AKT3: variants seen among roughly 807,000 people sequenced by gnomAD.
The protein encoded by AKT3 is RAC-gamma serine/threonine-protein kinase.
AKT3 carries 15 observed loss-of-function variants against 65.3 expected under a neutral mutation model. The observed-to-expected ratio is 0.23, with a 90% confidence interval of 0.15 to 0.35. The LOEUF (loss-of-function observed/expected upper bound fraction) is 0.35. AKT3 is among the 10% of genes least tolerant of loss of function. The probability of loss-of-function intolerance (pLI) is 1.00; values close to 1 mark genes in which losing one functional copy is unlikely to be tolerated. For missense variants in AKT3, 243 were observed against 576.5 expected, an observed-to-expected ratio of 0.42 and a Z score of 5.92; for synonymous variants, 206 against 183.8, an observed-to-expected ratio of 1.12 and a Z score of -0.98.
downstream of AKT3, among the ~76,000 whole-genome samples, chr1:243,498,785 C>G (rs10927028): frequency 0.21 from 31,972 of 152,238 alleles, 3,454 homozygotes; most frequent in African/African-American, 0.24. Context: ...CTTGGAAAAT[C>G]CTCACTGGAG....
chr1:243,703,753 T>A (rs1261952019), intron 2 of AKT3, among the ~76,000 whole-genome samples: 1 of 118,070 alleles, frequency 8.5e-6, no homozygotes, highest in Admixed American at 1.0e-4. Flanking sequence ...ACAGCAAGAC[T>A]CCATCTCAAA....
intron 4 of AKT3, among the ~76,000 whole-genome samples, chr1:243,660,867 A>C (rs1293496089): frequency 6.6e-6 from 1 of 152,230 alleles, no homozygotes; most frequent in South Asian, 2.1e-4. Flanking sequence ...GCAAAGTCTC[A>C]GGATACAAAA....
At chr1:243,588,504 G>A (rs1456336962) in intron 8 of AKT3, among the ~76,000 whole-genome samples, 2 of 152,164 alleles carry the variant, frequency 1.3e-5, no homozygotes, top group African/African-American at 2.4e-5. Context: ...CACTCTGACA[G>A]AAGAAAACAA....
At chr1:243,750,248 T>TCA (rs761102273) in intron 2 of AKT3, among the ~76,000 whole-genome samples, 180 of 152,260 alleles carry the variant, frequency 1.2e-3, no homozygotes, top group Non-Finnish European at 1.5e-3. Context: ...AAATCATAAT[T>TCA]CACTGTCCCT....
chr1:243,690,778 G>C (rs556778462), intron 3 of AKT3, among the ~76,000 whole-genome samples: 1 of 152,192 alleles, frequency 6.6e-6, no homozygotes, highest in East Asian at 1.9e-4. Flanking sequence ...CGAGACACTT[G>C]AGTTTTATTC....
chr1:243,816,449 AG>A (rs1693527065), intron 2 of AKT3, among the ~76,000 whole-genome samples: 1 of 152,210 alleles, frequency 6.6e-6, no homozygotes, highest in Non-Finnish European at 1.5e-5. Context: ...ATAACATGGT[AG>A]GCACCACCCT....
At chr1:243,552,404 G>A (rs1673148560) in intron 11 of AKT3, among the ~76,000 whole-genome samples, 1 of 150,130 alleles carries the variant, frequency 6.7e-6, no homozygotes, top group Admixed American at 6.7e-5. Context: ...CAAAGGCCCA[G>A]AGACTGAAAG....
intron 4 of AKT3, among the ~76,000 whole-genome samples, chr1:243,646,583 G>A (rs1680834874): frequency 6.6e-6 from 1 of 152,054 alleles, no homozygotes; most frequent in African/African-American, 2.4e-5. Flanking sequence ...TCGAACTCCT[G>A]ACCTCAAGTG....
At chr1:243,659,825 C>G (rs908543019) in intron 4 of AKT3, among the ~76,000 whole-genome samples, 11 of 152,182 alleles carry the variant, frequency 7.2e-5, no homozygotes, top group Non-Finnish European at 1.5e-4. Flanking sequence ...CTAACTCACA[C>G]TAACCCTCTC....
intron 2 of AKT3, among the ~76,000 whole-genome samples, chr1:243,816,779 T>C (rs1050870667): frequency 1.7e-4 from 26 of 151,982 alleles, no homozygotes; most frequent in Admixed American, 6.6e-5. Flanking sequence ...ATAAAACTTA[T>C]AAAGGGAGAA....
chr1:243,656,684 G>A (rs947666355), intron 4 of AKT3, among the ~76,000 whole-genome samples: 2 of 152,212 alleles, frequency 1.3e-5, no homozygotes, highest in Non-Finnish European at 2.9e-5. Context: ...TATAGCATTA[G>A]TACTTGGGAA....
At position 243,506,715 on chromosome 1, in the gene AKT3, T is replaced by C. The variant is rs540596873; in HGVS notation, c.1355-1381A>G. Among the ~76,000 whole-genome samples, 364 of 152,374 alleles carry C rather than the reference T, an allele frequency of 2.4e-3. 1 individual carries two copies. Among genetic ancestry groups the C allele is most frequent in the African/African-American group, 8.6e-3 (357 of 41,586 alleles). On this transcript the variant is annotated intron_variant, in intron 13 of 13. Transcript: ENST00000673466. ...CCATCAAGAAGCATTTGTGGCTCCC[T>C]GCTCTGTGTAAGACACTGAACTCGG...
intron 12 of AKT3, among the ~76,000 whole-genome samples, chr1:243,521,223 G>A (rs1031687271): frequency 1.3e-5 from 2 of 152,166 alleles, no homozygotes; most frequent in South Asian, 2.1e-4. Context: ...ACTTTGTGTT[G>A]GCATATAGGG....
At chr1:243,796,499 T>C (rs537180803) in intron 2 of AKT3, among the ~76,000 whole-genome samples, 1 of 152,284 alleles carries the variant, frequency 6.6e-6, no homozygotes, top group African/African-American at 2.4e-5. Flanking sequence ...AGCTTCTCAC[T>C]CCACTTAAAA....
intron 4 of AKT3, among the ~76,000 whole-genome samples, chr1:243,653,481 C>T (rs1380598639): frequency 6.6e-6 from 1 of 152,194 alleles, no homozygotes; most frequent in Non-Finnish European, 1.5e-5. Context: ...AGGGAATCCT[C>T]CCTAACTCAT....
Position 243,755,651 on chromosome 1 carries a change from T to C in AKT3, c.47-59935A>G, listed in dbSNP as rs1240846282. On this transcript the variant is annotated intron_variant, in intron 2 of 13. Transcript: ENST00000673466. ...TCCCCAAAGTGTTTTCTTATAATCTTATCATAACAAGCCTTAAGTTAGTCA... is the reference window on the plus strand; with the variant it reads ...TCCCCAAAGTGTTTTCTTATAATCTCATCATAACAAGCCTTAAGTTAGTCA... Among the ~76,000 whole-genome samples the C allele has an allele frequency of 2.0e-5, 3 of 152,298 alleles. No homozygotes were observed. In the East Asian group the frequency reaches 5.8e-4, roughly 29 times the overall value.
At chr1:243,822,271 TA>T (rs1342494456) in intron 2 of AKT3, among the ~76,000 whole-genome samples, 2 of 152,126 alleles carry the variant, frequency 1.3e-5, no homozygotes, top group Non-Finnish European at 2.9e-5. Context: ...GGGATGTAGC[TA>T]AAGCAGTGTT....
At chr1:243,783,734 T>C (rs1466941825) in intron 2 of AKT3, among the ~76,000 whole-genome samples, 1 of 152,150 alleles carries the variant, frequency 6.6e-6, no homozygotes, top group African/African-American at 2.4e-5. Flanking sequence ...ACAAAATATG[T>C]TTAACCAAAA....
chr1:243,694,901 C>A (rs1261026860), intron 3 of AKT3, among the ~76,000 whole-genome samples: 2 of 151,970 alleles, frequency 1.3e-5, no homozygotes, highest in South Asian at 2.1e-4. Flanking sequence ...AGATCTTAGG[C>A]AAGTTTAACT....
Sources: allele counts gnomAD v4.1 joint callset (sites outside exome capture counted in the v4.1 genomes callset), GRCh38; gene constraint gnomAD v4.1.1; transcripts MANE v1.5; gene names NCBI Gene and HGNC (gene_info 2026-07-23, HGNC 2026-07-21).